MAST4: variants seen among roughly 807,000 people sequenced by gnomAD.
The protein encoded by MAST4 is microtubule-associated serine/threonine-protein kinase 4.
MAST4 carries 89 observed loss-of-function variants against 162.7 expected under a neutral mutation model. The observed-to-expected ratio is 0.55, with a 90% CI of 0.46 to 0.65. The LOEUF is 0.65. MAST4 is among the 30% of genes least tolerant of loss of function. MAST4 has a pLI of 0.00. For missense variants in MAST4, 3,153 were observed against 3,374.0 expected (o/e 0.93, Z 1.62); for synonymous variants, 1,479 against 1,361.1 (o/e 1.09, Z -1.91).
chr5:66,899,932 G>C lies in MAST4; in HGVS notation c.643-19G>C. 3 of 1,471,290 alleles carry C rather than the reference G, an allele frequency of 2.0e-6. No individual in the cohort carries two copies. Among genetic ancestry groups the C allele is most frequent in the Non-Finnish European group, 2.7e-6 (3 of 1,102,406 alleles). The allele number at this position is 1,471,290 out of a possible 1,614,324, so 91.1% of individuals were successfully genotyped here. ...GTTAATGCAGCATTGCTTATATATG[G>C]TTTTTTTTTCTTTTGCAGAAGGAGC... On this transcript the variant is annotated intron_variant, in intron 3 of 28. Coordinates refer to ENST00000403625, the MANE Select transcript of MAST4 (RefSeq NM_001164664.2).
chr5:67,068,686 A>AAG (rs1373824707), intron 5 of MAST4, among the ~76,000 whole-genome samples: 1 of 152,214 alleles, frequency 6.6e-6, no homozygotes, highest in Admixed American at 6.5e-5. Flanking sequence ...CTTTTCCAAA[A>AAG]AGAAATACAG....
At chr5:67,124,455 T>A (rs1251907597) in intron 14 of MAST4, among the ~76,000 whole-genome samples, 3 of 152,176 alleles carry the variant, frequency 2.0e-5, no homozygotes, top group African/African-American at 7.2e-5. Context: ...TTAAGCACAT[T>A]TGGAACATCA....
chr5:67,099,503 A>T (rs926460029), intron 7 of MAST4, among the ~76,000 whole-genome samples: 34 of 149,192 alleles, frequency 2.3e-4, no homozygotes, highest in African/African-American at 4.1e-4. Context: ...ATGATTTTTA[A>T]AAAAAATGCT....
intron 3 of MAST4, among the ~76,000 whole-genome samples, chr5:66,897,666 G>C (rs569316249): frequency 6.6e-6 from 1 of 152,316 alleles, no homozygotes; most frequent in South Asian, 2.1e-4. Flanking sequence ...GGTTAGCGTG[G>C]TAGCTTCAGG....
intron 5 of MAST4, among the ~76,000 whole-genome samples, chr5:67,078,921 T>TATATATATAATATATATATATATATATA (rs1554093926): frequency 1.4e-5 from 1 of 73,332 alleles, no homozygotes; most frequent in African/African-American, 7.8e-5. Context: ...AATATATATA[T>TATATATATAATATATATATATATATATA]ATATATATAT....
chr5:66,740,636 G>A (rs1368255248), intron 1 of MAST4, among the ~76,000 whole-genome samples: 2 of 152,132 alleles, frequency 1.3e-5, no homozygotes, highest in African/African-American at 2.4e-5. Flanking sequence ...TAAATGTGGA[G>A]GTGGAGGAAG....
intron 1 of MAST4, among the ~76,000 whole-genome samples, chr5:66,713,766 G>A (rs941668083): frequency 2.0e-5 from 3 of 152,170 alleles, no homozygotes; most frequent in South Asian, 2.1e-4. Flanking sequence ...GGTGAGACAA[G>A]TGGAGAATTA....
chr5:67,002,491 A>C (rs1047378933), intron 4 of MAST4, among the ~76,000 whole-genome samples: 3 of 152,236 alleles, frequency 2.0e-5, no homozygotes, highest in Non-Finnish European at 4.4e-5. Context: ...AGACAGCAGT[A>C]AACAGTCAAT....
chr5:66,691,805 T>C (rs190128153), intron 1 of MAST4, among the ~76,000 whole-genome samples: 48 of 152,276 alleles, frequency 3.2e-4, no homozygotes, highest in South Asian at 1.0e-3. Flanking sequence ...CATTGGGGGT[T>C]AGGATTTCAA....
chr5:67,069,033 C>G (rs926774609), intron 5 of MAST4, among the ~76,000 whole-genome samples: 13 of 151,774 alleles, frequency 8.6e-5, no homozygotes, highest in African/African-American at 3.2e-4. Flanking sequence ...CGCTGATACA[C>G]GTATACCTAA....
chr5:66,680,202 G>A (rs1468022606), intron 1 of MAST4, among the ~76,000 whole-genome samples: 1 of 152,176 alleles, frequency 6.6e-6, no homozygotes, highest in Admixed American at 6.5e-5. Context: ...TAATTTACTA[G>A]TTCCTGGCTC....
intron 3 of MAST4, among the ~76,000 whole-genome samples, chr5:66,884,319 T>C (rs1161659811): frequency 6.6e-6 from 1 of 152,240 alleles, no homozygotes; most frequent in African/African-American, 2.4e-5. Context: ...CTCAAACTTA[T>C]TGGATCCAGA....
In MAST4 at chr5:66,691,466, A is replaced by G. The variant is rs373274792; in HGVS notation, c.364-68243A>G. 1.8e-3 allele frequency among the ~76,000 whole-genome samples: 268 copies of G among 152,352 alleles called. 1 individual carries two copies. Among genetic ancestry groups the G allele is most frequent in the African/African-American group, 6.0e-3 (251 of 41,582 alleles). On this transcript the variant is annotated intron_variant, in intron 1 of 28. Coordinates refer to ENST00000403625, the MANE Select transcript of MAST4 (RefSeq NM_001164664.2). ...GGATTACAGTAAATAAAACGGCTAC[A>G]TAAAAAATGAATTTGGTGTCTTAGT...
At chr5:66,904,742 T>G (rs931987711) in intron 4 of MAST4, among the ~76,000 whole-genome samples, 1 of 152,208 alleles carries the variant, frequency 6.6e-6, no homozygotes, top group South Asian at 2.1e-4. Context: ...TTATTTTTAT[T>G]TAAAAAATTT....
chr5:66,688,780 G>A (rs766961238), intron 1 of MAST4, among the ~76,000 whole-genome samples: 13 of 152,240 alleles, frequency 8.5e-5, no homozygotes, highest in Middle Eastern at 3.4e-3. Flanking sequence ...TGGACTCTTA[G>A]GCAATGGGAG....
At chr5:66,610,723 G>T (rs6886878) in intron 1 of MAST4, among the ~76,000 whole-genome samples, 17,087 of 152,208 alleles carry the variant, frequency 0.11, 1,552 homozygotes, top group African/African-American at 0.24. Context: ...TGGAAGAGCA[G>T]GGCCCTACCC....
chr5:67,074,864 G>A (rs771305449), intron 5 of MAST4, among the ~76,000 whole-genome samples: 50 of 152,146 alleles, frequency 3.3e-4, no homozygotes, highest in Non-Finnish European at 5.6e-4. Flanking sequence ...ATTTTAAAAA[G>A]TTATTTTAAA....
rs374524178 is a variant in MAST4, at chr5:66,618,850, G to A, written c.363+21832G>A. Among the ~76,000 whole-genome samples, 22 of 152,116 alleles carry A rather than the reference G, an allele frequency of 1.4e-4. No homozygotes were observed. The East Asian group carries it at 4.2e-3, about 29-fold the overall frequency. ...AATTTTGCTGAACTGATGGATATTT[G>A]AGTATGTGAAGAGAGGAAACAGAGA... is the stretch of plus-strand genomic sequence containing the variant. On this transcript the variant is annotated intron_variant, in intron 1 of 28. Coordinates refer to ENST00000403625, the MANE Select transcript of MAST4 (RefSeq NM_001164664.2).
rs866207369 is a variant in MAST4, at chr5:66,751,237, G to A, written c.364-8472G>A. Among the ~76,000 whole-genome samples the A allele has an allele frequency of 6.6e-3, 1,006 of 152,210 alleles. 8 individuals are homozygous for A. Among genetic ancestry groups the A allele is most frequent in the African/African-American group, 0.022 (905 of 41,508 alleles). On this transcript the variant is annotated intron_variant, in intron 1 of 28. Coordinates refer to ENST00000403625, the MANE Select transcript of MAST4 (RefSeq NM_001164664.2). ...AACTGGAAACTCTAAAAAGCAGAGCGCCTCTCCTCCTCCAAAGGAATGCAG... is the reference window on the plus strand; with the variant it reads ...AACTGGAAACTCTAAAAAGCAGAGCACCTCTCCTCCTCCAAAGGAATGCAG...
Sources: allele counts gnomAD v4.1 joint callset (sites outside exome capture counted in the v4.1 genomes callset), GRCh38; gene constraint gnomAD v4.1.1; transcripts MANE v1.5; gene names NCBI Gene and HGNC (gene_info 2026-07-23, HGNC 2026-07-21).